TESC: variants seen among roughly 807,000 people sequenced by gnomAD.
The protein encoded by TESC is tescalcin.
Under a neutral mutation model 31.0 loss-of-function variants are expected in TESC, and 19 were observed. The observed-to-expected ratio is 0.61, with a 90% CI of 0.43 to 0.90. TESC has a LOEUF of 0.90. Among genes scored for constraint, TESC ranks in the 40% least tolerant of loss-of-function variants. The pLI is 0.00. For missense variants in TESC, 248 were observed against 303.8 expected (o/e 0.82, Z 1.36); for synonymous variants, 109 against 114.8 (o/e 0.95, Z 0.32).
At chr12:117,087,984 G>T (rs79644799) in intron 1 of TESC, among the ~76,000 whole-genome samples, 26,620 of 152,112 alleles carry the variant, frequency 0.18, 2,548 homozygotes, top group African/African-American at 0.25. Flanking sequence ...TTTTAGGGTG[G>T]TAATCACACC....
intron 6 of TESC, among the ~76,000 whole-genome samples, chr12:117,043,518 G>A (rs763846247): frequency 1.6e-4 from 25 of 152,294 alleles, no homozygotes; most frequent in Admixed American, 3.9e-4. Flanking sequence ...GGAGTGCAGT[G>A]GCGCGATCTT....
intron 2 of TESC, among the ~76,000 whole-genome samples, chr12:117,067,254 A>C (rs999438036): frequency 5.9e-5 from 9 of 152,016 alleles, no homozygotes; most frequent in Admixed American, 2.6e-4. Context: ...CTTCCTTATG[A>C]GTATAGTATT....
At chr12:117,095,717 C>T (rs1167548965) in intron 1 of TESC, among the ~76,000 whole-genome samples, 1 of 152,018 alleles carries the variant, frequency 6.6e-6, no homozygotes, top group African/African-American at 2.4e-5. Flanking sequence ...CCTGTCTCTA[C>T]AGAAAAATTT....
chr12:117,071,011 T>C (rs545603539), intron 2 of TESC, among the ~76,000 whole-genome samples: 1 of 152,318 alleles, frequency 6.6e-6, no homozygotes, highest in East Asian at 1.9e-4. Context: ...TCCTGCTGTG[T>C]AGCACATAAA....
chr12:117,099,184 G>A, intron 1 of TESC, 41 bp downstream of exon 1: 1 of 1,471,414 alleles, frequency 6.8e-7, no homozygotes. Context: ...CCGTTCGGAG[G>A]TCCCGCCCCG....
At chr12:117,075,875 GTA>G (rs528031954) in intron 1 of TESC, among the ~76,000 whole-genome samples, 4,221 of 62,244 alleles carry the variant, frequency 0.068, 185 homozygotes, top group Non-Finnish European at 0.084. Context: ...ATATATGTGT[GTA>G]TATATATATA....
At chr12:117,051,248 C>T (rs1954643458) in intron 3 of TESC, among the ~76,000 whole-genome samples, 2 of 152,228 alleles carry the variant, frequency 1.3e-5, no homozygotes, top group Non-Finnish European at 2.9e-5. Flanking sequence ...TCTACTACTC[C>T]TTTTCAGCAC....
chr12:117,046,175 C>T (rs1954554952), intron 6 of TESC, among the ~76,000 whole-genome samples: 1 of 152,194 alleles, frequency 6.6e-6, no homozygotes, highest in South Asian at 2.1e-4. Flanking sequence ...CCAGAAGTTG[C>T]CTCTGAGTCA....
intron 4 of TESC, 77 bp downstream of exon 4, chr12:117,048,942 G>GGC: frequency 6.2e-7 from 1 of 1,603,478 alleles, no homozygotes; most frequent in Non-Finnish European, 8.5e-7. Context: ...CTGCTGCAGA[G>GGC]GCGCCTTGCG....
chr12:117,068,931 G>C (rs987784882), intron 2 of TESC, among the ~76,000 whole-genome samples: 2 of 152,138 alleles, frequency 1.3e-5, no homozygotes, highest in Admixed American at 1.3e-4. Context: ...GAAAGAAAAA[G>C]TGCAAGAAGC....
chr12:117,051,453 G>T (rs1176313461), intron 3 of TESC, among the ~76,000 whole-genome samples: 2 of 152,104 alleles, frequency 1.3e-5, no homozygotes, highest in Non-Finnish European at 2.9e-5. Context: ...CCATCTTTAT[G>T]TGTTTTCACA....
chr12:117,053,092 T>A (rs1347358524), intron 3 of TESC, among the ~76,000 whole-genome samples: 3 of 152,138 alleles, frequency 2.0e-5, no homozygotes. Flanking sequence ...GGAGTCCCCC[T>A]GAGATGTGGT....
intron 1 of TESC, among the ~76,000 whole-genome samples, chr12:117,096,238 C>G (rs566086980): frequency 6.6e-6 from 1 of 152,222 alleles, no homozygotes; most frequent in Non-Finnish European, 1.5e-5. Flanking sequence ...CTCAGGGAGG[C>G]GGGGGAGTCA....
chr12:117,046,499 A>G, intron 6 of TESC, 60 bp downstream of exon 6: 2 of 1,471,790 alleles, frequency 1.4e-6, no homozygotes, highest in Non-Finnish European at 9.1e-7. Context: ...GCCTTCCAGA[A>G]ACGCAGACCA....
chr12:117,084,801 C>T (rs907679224), intron 1 of TESC, among the ~76,000 whole-genome samples: 4 of 152,216 alleles, frequency 2.6e-5, no homozygotes, highest in African/African-American at 9.6e-5. Context: ...CCTGTAGTCC[C>T]AGGACCCAGA....
At chr12:117,095,086 T>A (rs1955372896) in intron 1 of TESC, among the ~76,000 whole-genome samples, 1 of 151,866 alleles carries the variant, frequency 6.6e-6, no homozygotes, top group Non-Finnish European at 1.5e-5. Flanking sequence ...CTTGTTTTTG[T>A]TTTTTGTGAG....
At chr12:117,078,376 G>A (rs967958240) in intron 1 of TESC, among the ~76,000 whole-genome samples, 1 of 152,168 alleles carries the variant, frequency 6.6e-6, no homozygotes, top group Non-Finnish European at 1.5e-5. Context: ...TGAAGCAGGA[G>A]AATCGCTTGA....
chr12:117,084,880 T>C (rs1309737529), intron 1 of TESC, among the ~76,000 whole-genome samples: 1 of 152,190 alleles, frequency 6.6e-6, no homozygotes, highest in Non-Finnish European at 1.5e-5. Flanking sequence ...GTGTGGGCCC[T>C]GAGGGGCACC....
chr12:117,060,908 C>G (rs942747868), intron 2 of TESC, among the ~76,000 whole-genome samples: 2 of 152,188 alleles, frequency 1.3e-5, no homozygotes, highest in African/African-American at 4.8e-5. Context: ...CTAGCCAAAC[C>G]CTCTCTGGCT....
Sources: gnomAD v4.1 joint callset for allele counts (sites outside exome capture counted in the v4.1 genomes callset) on GRCh38, gnomAD v4.1.1 for gene constraint, MANE v1.5 for transcripts, NCBI Gene and HGNC (gene_info 2026-07-23, HGNC 2026-07-21) for gene names.